The following MREG variants were observed in gnomAD, a reference collection of about 807,000 sequenced individuals.
The protein encoded by MREG is dilute suppressor protein homolog.
Under a neutral mutation model 28.5 loss-of-function variants are expected in MREG, and 31 were observed. The ratio of observed to expected loss-of-function variants is 1.09; its 90% CI spans 0.82 to 1.47. MREG has a LOEUF of 1.47. MREG is among the 40% of genes most tolerant of loss of function. The pLI, the probability that MREG is intolerant of heterozygous loss-of-function variation, is 0.00. For synonymous variants in MREG, 106 were observed against 95.2 expected, an observed-to-expected ratio of 1.11 and a Z score of -0.66; for missense variants, 256 against 257.4, an observed-to-expected ratio of 0.99 and a Z score of 0.04.
chr2:215,983,381 GT>G (rs1473532598), intron 2 of MREG, among the ~76,000 whole-genome samples: 1 of 152,140 alleles, frequency 6.6e-6, no homozygotes, highest in Non-Finnish European at 1.5e-5. Context: ...CCCTTTCCCT[GT>G]TTCTCCCACC....
At chr2:216,025,802 G>A (rs1027711499) in intron 1 of MREG, among the ~76,000 whole-genome samples, 12 of 152,208 alleles carry the variant, frequency 7.9e-5, no homozygotes, top group Admixed American at 2.6e-4. Flanking sequence ...GCCACTGCTC[G>A]GCAATCCCTG....
At chr2:216,030,164 T>TA (rs1198798041) in intron 1 of MREG, among the ~76,000 whole-genome samples, 1 of 152,216 alleles carries the variant, frequency 6.6e-6, no homozygotes, top group East Asian at 1.9e-4. Context: ...GACAAATTTG[T>TA]AAAAATATAG....
chr2:215,985,975 T>C (rs901901138), intron 2 of MREG, among the ~76,000 whole-genome samples: 1 of 152,100 alleles, frequency 6.6e-6, no homozygotes, highest in Non-Finnish European at 1.5e-5. Flanking sequence ...AAATAAGCAA[T>C]AGTAGTAAAT....
downstream of MREG, among the ~76,000 whole-genome samples, chr2:215,940,238 A>G (rs544807329): frequency 6.6e-6 from 1 of 152,212 alleles, no homozygotes; most frequent in Non-Finnish European, 1.5e-5. Flanking sequence ...GAAGTTAATA[A>G]CACTTGCTGA....
intron 2 of MREG, among the ~76,000 whole-genome samples, chr2:215,953,054 C>T (rs951181883): frequency 2.6e-5 from 4 of 152,172 alleles, no homozygotes; most frequent in South Asian, 2.1e-4. Context: ...GCACTTTGGA[C>T]CAACCATGAT....
At chr2:215,947,171 A>C in intron 2 of MREG, 58 bp from the exon 3 acceptor site, 134 of 1,066,078 alleles carry the variant, frequency 1.3e-4, no homozygotes, top group Non-Finnish European at 1.7e-4. Flanking sequence ...CCTCTATCTC[A>C]TTCCCAAACT....
intron 1 of MREG, among the ~76,000 whole-genome samples, chr2:216,022,586 A>T (rs1035945816): frequency 4.6e-5 from 7 of 152,212 alleles, no homozygotes; most frequent in Admixed American, 2.0e-4. Context: ...TTCTCCTGCC[A>T]TAACAAACAC....
Position 216,006,418 on chromosome 2 carries a change from C to G in MREG, c.95+6815G>C, listed in dbSNP as rs113365363. Among the ~76,000 whole-genome samples the G allele has an allele frequency of 9.7e-4, 148 of 152,358 alleles. 4 individuals carry two copies. The South Asian group carries it at 0.012, about 12-fold the overall frequency. The stretch of plus-strand genomic sequence containing the variant: ...TCTTTCAAGAAGGCAAAAGCACCAG[C>G]CTTGCAATGGGAATCTTCCAGCCAG... On this transcript the variant is annotated intron_variant, in intron 1 of 4. Coordinates refer to ENST00000263268, the MANE Select transcript of MREG (RefSeq NM_018000.3).
intron 2 of MREG, among the ~76,000 whole-genome samples, chr2:215,986,603 A>G (rs943891634): frequency 1.3e-5 from 2 of 152,154 alleles, no homozygotes; most frequent in Non-Finnish European, 2.9e-5. Flanking sequence ...TTATCCCTAC[A>G]TGTTAAGGGC....
At chr2:216,006,261 C>A (rs977783618) in intron 1 of MREG, among the ~76,000 whole-genome samples, 7 of 152,152 alleles carry the variant, frequency 4.6e-5, no homozygotes, top group Non-Finnish European at 1.0e-4. Context: ...GGAAGAAAAC[C>A]TTTAAAAGTC....
At chr2:216,003,910 ATTCTT>A (rs1470628654) in intron 1 of MREG, among the ~76,000 whole-genome samples, 1 of 152,220 alleles carries the variant, frequency 6.6e-6, no homozygotes, top group Non-Finnish European at 1.5e-5. Flanking sequence ...ATTTCTTTCT[ATTCTT>A]AACACAACAG....
At chr2:215,984,063 G>C (rs1693499415) in intron 2 of MREG, among the ~76,000 whole-genome samples, 1 of 152,186 alleles carries the variant, frequency 6.6e-6, no homozygotes, top group Non-Finnish European at 1.5e-5. Flanking sequence ...TGGACTTACA[G>C]TTCCACGTGG....
rs762706675 is a variant in MREG, at chr2:215,996,363, G to A, written c.198C>T (p.Asp66=). Residue 66 remains aspartate, a synonymous_variant, in exon 2 of 5, where the codon GAC becomes GAT. Transcript: ENST00000263268. The stretch of plus-strand genomic sequence containing the variant: ...CTATCAAATTGTACAGGGTTCTGTC[G>A]TCGTCTGCCTCTGTGTGGGACACAT... ...PHDVSHTEAD[D]DRTLYNLIVI... The A allele has an allele frequency of 4.8e-5, 78 of 1,613,838 alleles. No homozygotes were observed. In the Middle Eastern group the frequency reaches 6.6e-4, roughly 14 times the overall value.
At chr2:216,004,754 G>A (rs1255215092) in intron 1 of MREG, among the ~76,000 whole-genome samples, 2 of 152,092 alleles carry the variant, frequency 1.3e-5, no homozygotes, top group African/African-American at 4.8e-5. Context: ...TGGCCTTACA[G>A]TCTTGTGGGA....
At chr2:215,981,498 G>A (rs760721123) in intron 2 of MREG, among the ~76,000 whole-genome samples, 1 of 152,154 alleles carries the variant, frequency 6.6e-6, no homozygotes, top group Non-Finnish European at 1.5e-5. Flanking sequence ...CAGGAGCTGG[G>A]GAGTTATTGT....
At chr2:215,998,093 T>G (rs1025366133) in intron 1 of MREG, among the ~76,000 whole-genome samples, 4 of 151,936 alleles carry the variant, frequency 2.6e-5, no homozygotes, top group African/African-American at 4.8e-5. Context: ...TCACCTGAAG[T>G]CAGGAGTTCA....
In MREG at chr2:215,944,916, A is replaced by G. The variant is rs1692280950; in HGVS notation, c.592T>C (p.Cys198Arg). Residue 198 changes from cysteine (C) to arginine (R), a missense_variant, in exon 5 of 5, where the codon TGC (cysteine) becomes CGC (arginine). By Grantham distance (180) the Cys-to-Arg change is radical. Coordinates refer to ENST00000263268, the MANE Select transcript of MREG (RefSeq NM_018000.3). ...RTYPKKPGVP[C>R]LADGQKELHY... ...AGTTCTTTCTGGCCATCTGCCAGGCATGGAACCCCAGGCTTCTTGGGGTAA... is the reference window on the plus strand; with the variant it reads ...AGTTCTTTCTGGCCATCTGCCAGGCGTGGAACCCCAGGCTTCTTGGGGTAA... 1 of 1,608,892 alleles carries G rather than the reference A, an allele frequency of 6.2e-7. No individual in the cohort carries two copies. The highest frequency in any genetic ancestry group is 8.5e-7 in the Non-Finnish European group (1 of 1,175,722).
Position 215,943,253 on chromosome 2 carries a change from T to C in MREG, c.*1610A>G, listed in dbSNP as rs1340372435. On this transcript the variant is annotated 3_prime_UTR_variant, in exon 5 of 5. Coordinates refer to ENST00000263268, the MANE Select transcript of MREG (RefSeq NM_018000.3). ...AAAGTCTTTTCAGTAACATGAACCA[T>C]GATCTCTTGACAAGTTCCTTGCTTA... 8 of 345,348 alleles carry C rather than the reference T, an allele frequency of 2.3e-5. No individual in the cohort carries two copies. In the Admixed American group the frequency reaches 2.7e-4, roughly 12 times the overall value. The allele number at this position is 345,348 out of a possible 1,614,324, so 21.4% of individuals were successfully genotyped here. A position where few individuals can be genotyped will look rare whatever the true frequency, so the allele number is the denominator to read the frequency against.
intron 2 of MREG, among the ~76,000 whole-genome samples, chr2:215,974,754 G>C (rs1164305169): frequency 4.0e-5 from 6 of 151,372 alleles, no homozygotes; most frequent in African/African-American, 7.3e-5. Flanking sequence ...TCGCCTTTCT[G>C]CTTTATCTAC....
Sources: gnomAD v4.1 joint callset for allele counts (sites outside exome capture counted in the v4.1 genomes callset) on GRCh38, gnomAD v4.1.1 for gene constraint, MANE v1.5 for transcripts, NCBI Gene and HGNC (gene_info 2026-07-23, HGNC 2026-07-21) for gene names.